Variants in HYCC2 observed in about 807,000 individuals in gnomAD.
HYCC2 encodes the protein hyccin 2.
At chr2:200,986,682 CATTGA>C in the HYCC2 span, among the ~76,000 whole-genome samples, 1 of 152,092 alleles carries the variant, frequency 6.6e-6, no homozygotes, top group African/African-American at 2.4e-5. Flanking sequence ...ATTTTAATTC[CATTGA>C]ATTGAATACA....
chr2:201,066,584 A>C, the HYCC2 span: 2 of 152,234 alleles, frequency 1.3e-5, no homozygotes, highest in African/African-American at 2.4e-5. Context: ...TGCCTCTCTC[A>C]TCCATTTTAT....
At chr2:201,020,674 T>C in the HYCC2 span, among the ~76,000 whole-genome samples, 146 of 152,300 alleles carry the variant, frequency 9.6e-4, no homozygotes, top group African/African-American at 3.4e-3. Context: ...TGGCTTTTCA[T>C]ACAACCTGAG....
the HYCC2 span, among the ~76,000 whole-genome samples, chr2:200,991,016 G>GT: frequency 1.3e-5 from 2 of 152,140 alleles, no homozygotes; most frequent in Non-Finnish European, 2.9e-5. Context: ...CCTTACATTT[G>GT]TTTTTTAATT....
chr2:200,974,698 A>C, the HYCC2 span: 2 of 152,120 alleles, frequency 1.3e-5, no homozygotes, highest in East Asian at 1.9e-4. Flanking sequence ...AAAACAATAC[A>C]TAAAACCTGT....
the HYCC2 span, among the ~76,000 whole-genome samples, chr2:201,002,834 T>A: frequency 2.6e-5 from 4 of 152,114 alleles, no homozygotes; most frequent in African/African-American, 9.7e-5. Context: ...CAGATATTAT[T>A]TAGCGTAACA....
chr2:201,046,399 T>C, the HYCC2 span, among the ~76,000 whole-genome samples: 21 of 152,146 alleles, frequency 1.4e-4, no homozygotes, highest in Non-Finnish European at 1.5e-5. Flanking sequence ...CATGTGAGTT[T>C]TGTTTTATGA....
chr2:200,991,950 G>A, the HYCC2 span, among the ~76,000 whole-genome samples: 1 of 151,812 alleles, frequency 6.6e-6, no homozygotes, highest in African/African-American at 2.4e-5. Context: ...GCCGGGGGGG[G>A]AGGTGGGCAA....
chr2:201,053,117 A>C, the HYCC2 span, among the ~76,000 whole-genome samples: 1 of 151,942 alleles, frequency 6.6e-6, no homozygotes, highest in Non-Finnish European at 1.5e-5. Flanking sequence ...CTATCTATTA[A>C]ATCTTAAAAT....
the HYCC2 span, among the ~76,000 whole-genome samples, chr2:201,037,637 G>A: frequency 6.6e-6 from 1 of 152,176 alleles, no homozygotes; most frequent in Non-Finnish European, 1.5e-5. Flanking sequence ...AACAAGAAAT[G>A]GGGAAAGGAT....
At chr2:201,033,371 ATTTATTTTAT>A in the HYCC2 span, among the ~76,000 whole-genome samples, 6,258 of 144,102 alleles carry the variant, frequency 0.043, 180 homozygotes, top group Non-Finnish European at 0.057. Context: ...TGCTTGGCTA[ATTTATTTTAT>A]TTTATTTTAT....
At chr2:201,013,447 G>A in the HYCC2 span, among the ~76,000 whole-genome samples, 43 of 144,278 alleles carry the variant, frequency 3.0e-4, no homozygotes, top group East Asian at 8.3e-3. Flanking sequence ...CAGCCTAGGC[G>A]ACAGCTGAGA....
At chr2:201,054,913 A>C in the HYCC2 span, among the ~76,000 whole-genome samples, 1 of 152,096 alleles carries the variant, frequency 6.6e-6, no homozygotes, top group Non-Finnish European at 1.5e-5. Flanking sequence ...AATCCTCCTG[A>C]CTTGGCCTCC....
the HYCC2 span, among the ~76,000 whole-genome samples, chr2:200,998,772 G>A: frequency 6.6e-6 from 1 of 152,178 alleles, no homozygotes; most frequent in African/African-American, 2.4e-5. Context: ...AACTAGGGAA[G>A]TTGTACCTCT....
chr2:201,054,347 G>A, the HYCC2 span, among the ~76,000 whole-genome samples: 1 of 152,164 alleles, frequency 6.6e-6, no homozygotes, highest in African/African-American at 2.4e-5. Context: ...AACTATAACT[G>A]TGAATAAAAT....
chr2:201,038,187 A>C, the HYCC2 span, among the ~76,000 whole-genome samples: 1 of 152,224 alleles, frequency 6.6e-6, no homozygotes, highest in Non-Finnish European at 1.5e-5. Context: ...TCAAAACCAC[A>C]ATGAGATACC....
chr2:201,017,213 G>T, the HYCC2 span: 1 of 1,455,758 alleles, frequency 6.9e-7, no homozygotes, highest in Non-Finnish European at 9.2e-7. Context: ...AATTCTTTTG[G>T]TTGTAACTGT....
the HYCC2 span, among the ~76,000 whole-genome samples, chr2:201,017,840 T>C: frequency 6.6e-6 from 1 of 152,224 alleles, no homozygotes; most frequent in Non-Finnish European, 1.5e-5. Flanking sequence ...TTTCATTGTA[T>C]TGATGTCATT....
the HYCC2 span, among the ~76,000 whole-genome samples, chr2:201,042,295 T>C: frequency 6.6e-6 from 1 of 152,134 alleles, no homozygotes; most frequent in Admixed American, 6.5e-5. Context: ...TGGCGTGATC[T>C]CGGATCGCTA....
At chr2:200,979,175 CTTTCA>C in the HYCC2 span, 1 of 151,084 alleles carries the variant, frequency 6.6e-6, no homozygotes, top group Non-Finnish European at 1.5e-5. Flanking sequence ...TTTTAAACTC[CTTTCA>C]TTTATTTGAC....
Sources: allele counts gnomAD v4.1 joint callset (sites outside exome capture counted in the v4.1 genomes callset), GRCh38; gene constraint gnomAD v4.1.1; transcripts MANE v1.5; gene names NCBI Gene and HGNC (gene_info 2026-07-23, HGNC 2026-07-21).